The following EDA variants were observed in gnomAD, a reference collection of about 807,000 sequenced individuals.
EDA encodes ectodysplasin A.
EDA carries 2 observed loss-of-function variants against 23.6 expected under a neutral mutation model. That is an observed-to-expected ratio of 0.08 (90% CI 0.03 to 0.27). The LOEUF is 0.27. EDA is among the 10% of genes least tolerant of loss of function. The probability of loss-of-function intolerance (pLI) is 1.00; values close to 1 mark genes in which losing one functional copy is unlikely to be tolerated. For missense variants in EDA, 229 were observed against 324.2 expected, an observed-to-expected ratio of 0.71 and a Z score of 2.26; for synonymous variants, 131 against 132.0, an observed-to-expected ratio of 0.99 and a Z score of 0.05.
In EDA at chrX:69,665,726, A is replaced by G. The variant is rs755469581; in HGVS notation, c.396+49022A>G. 8.1e-5 allele frequency among the ~76,000 whole-genome samples: 9 copies of G among 111,604 alleles called. No individual in the cohort carries two copies. The South Asian group carries it at 1.1e-3, about 14-fold the overall frequency. On this transcript the variant is annotated intron_variant, in intron 1 of 7. Coordinates refer to ENST00000374552, the MANE Select transcript of EDA (RefSeq NM_001399.5). The stretch of plus-strand genomic sequence containing the variant: ...CTATAGGTTTGTAATATAATAAATT[A>G]TATAATATAATCAGGAAGTATGATG...
At chrX:69,872,235 A>T (rs756294706) in intron 1 of EDA, among the ~76,000 whole-genome samples, 26 of 112,086 alleles carry the variant, frequency 2.3e-4, no homozygotes, top group Non-Finnish European at 4.5e-4. Context: ...CACTACAAGA[A>T]CTGCTAAAAG....
chrX:69,741,102 A>G (rs1359759298), intron 1 of EDA, among the ~76,000 whole-genome samples: 1 of 109,172 alleles, frequency 9.2e-6, no homozygotes, highest in Non-Finnish European at 1.9e-5. Context: ...AGCTTCCTTT[A>G]CTTCTTTAGC....
At chrX:69,675,910 A>G (rs1465122796) in intron 1 of EDA, among the ~76,000 whole-genome samples, 1 of 111,488 alleles carries the variant, frequency 9.0e-6, no homozygotes, top group Non-Finnish European at 1.9e-5. Flanking sequence ...ATTTGAGCAA[A>G]GATCTGGAGG....
chrX:69,971,683 G>A (rs1475200708), intron 2 of EDA, among the ~76,000 whole-genome samples: 2 of 110,604 alleles, frequency 1.8e-5, no homozygotes, highest in African/African-American at 3.3e-5. Context: ...ATTCTTCCAC[G>A]TGCATGCTTA....
At position 69,677,328 on chromosome X, in the gene EDA, C is replaced by G. The variant is rs1448656109; in HGVS notation, c.396+60624C>G. On this transcript the variant is annotated intron_variant, in intron 1 of 7. Transcript: ENST00000374552. ...CTTTATAGCAGCATGATTTATAGTC[C>G]TTTGGGTATATACCCAGTAATGGGA... Among the ~76,000 whole-genome samples, 14 of 110,182 alleles carry G rather than the reference C, an allele frequency of 1.3e-4. No individual in the cohort carries two copies. In the South Asian group the frequency reaches 4.5e-3, roughly 35 times the overall value.
chrX:69,721,600 C>T (rs754094453), intron 1 of EDA, among the ~76,000 whole-genome samples: 2 of 110,888 alleles, frequency 1.8e-5, no homozygotes, highest in South Asian at 4.0e-4. Context: ...ACATTGGGCT[C>T]ACCTGATGTT....
chrX:69,961,017 C>CA (rs769522012), intron 2 of EDA, among the ~76,000 whole-genome samples: 136 of 84,824 alleles, frequency 1.6e-3, no homozygotes, highest in African/African-American at 5.3e-3. Context: ...AAACTCCATC[C>CA]AAAAAAAGAA....
intron 1 of EDA, among the ~76,000 whole-genome samples, chrX:69,712,567 G>A (rs984967308): frequency 3.6e-5 from 4 of 111,448 alleles, no homozygotes; most frequent in Admixed American, 2.9e-4. Flanking sequence ...AACAACAGGC[G>A]CTGGAGAGGA....
At chrX:69,868,854 C>T (rs2017524412) in intron 1 of EDA, among the ~76,000 whole-genome samples, 1 of 112,049 alleles carries the variant, frequency 8.9e-6, no homozygotes, top group Non-Finnish European at 1.9e-5. Flanking sequence ...GCAATGAAAC[C>T]ACATCTGGTA....
intron 2 of EDA, among the ~76,000 whole-genome samples, chrX:69,992,437 A>G (rs2019601189): frequency 8.9e-6 from 1 of 112,278 alleles, no homozygotes; most frequent in Non-Finnish European, 1.9e-5. Flanking sequence ...ACAGAATATC[A>G]TGTTTTTGAG....
intron 1 of EDA, among the ~76,000 whole-genome samples, chrX:69,904,107 G>A (rs1203006): frequency 0.58 from 63,999 of 110,224 alleles, 15,268 homozygotes; most frequent in Middle Eastern, 0.79. Context: ...CACCACCCCC[G>A]GCCACATGTG....
At chrX:69,832,356 G>A (rs1056616897) in intron 1 of EDA, among the ~76,000 whole-genome samples, 2 of 111,192 alleles carry the variant, frequency 1.8e-5, no homozygotes, top group African/African-American at 6.5e-5. Context: ...TAGATGTGTG[G>A]TATTATTTCT....
chrX:69,987,875 C>G (rs2147461823), intron 2 of EDA, among the ~76,000 whole-genome samples: 1 of 111,551 alleles, frequency 9.0e-6, no homozygotes, highest in Non-Finnish European at 1.9e-5. Flanking sequence ...CTGTCAGAAG[C>G]AGATGGTGCT....
At chrX:69,857,212 T>G (rs192573886) in intron 1 of EDA, among the ~76,000 whole-genome samples, 75 of 112,113 alleles carry the variant, frequency 6.7e-4, no homozygotes, top group Middle Eastern at 4.6e-3. Flanking sequence ...GAGTTCTCTA[T>G]TCTGTTCCAT....
chrX:69,859,401 G>C (rs2017329388), intron 1 of EDA, among the ~76,000 whole-genome samples: 1 of 112,031 alleles, frequency 8.9e-6, no homozygotes, highest in Admixed American at 9.5e-5. Context: ...TGCCTTAGCT[G>C]TGTCCCAGAG....
chrX:69,919,571 T>A (rs1359943368), intron 1 of EDA, among the ~76,000 whole-genome samples: 2 of 111,860 alleles, frequency 1.8e-5, no homozygotes, highest in Non-Finnish European at 3.8e-5. Flanking sequence ...TCTATATAGT[T>A]TTATCTTTGT....
At chrX:69,841,662 T>A (rs1228189748) in intron 1 of EDA, among the ~76,000 whole-genome samples, 1 of 112,330 alleles carries the variant, frequency 8.9e-6, no homozygotes, top group Non-Finnish European at 1.9e-5. Flanking sequence ...ATATAGTTTC[T>A]TCTTCAGGCA....
chrX:69,932,745 T>C (rs2018616919), intron 1 of EDA, among the ~76,000 whole-genome samples: 1 of 111,939 alleles, frequency 8.9e-6, no homozygotes, highest in Non-Finnish European at 1.9e-5. Flanking sequence ...CTCCGAATCC[T>C]AATCCTCTGA....
At chrX:69,842,470 A>G (rs1209439493) in intron 1 of EDA, among the ~76,000 whole-genome samples, 1 of 112,206 alleles carries the variant, frequency 8.9e-6, no homozygotes, top group Non-Finnish European at 1.9e-5. Context: ...ACCCCAGTCC[A>G]TGGAAAAATT....
Sources: allele counts gnomAD v4.1 joint callset (sites outside exome capture counted in the v4.1 genomes callset), GRCh38; gene constraint gnomAD v4.1.1; transcripts MANE v1.5; gene names NCBI Gene and HGNC (gene_info 2026-07-23, HGNC 2026-07-21).